Variants in IL15 observed in about 807,000 individuals in gnomAD.
IL15 encodes the protein interleukin 15.
Under a neutral mutation model 19.6 loss-of-function variants are expected in IL15, and 11 were observed. That is an observed-to-expected ratio of 0.56 (90% confidence interval 0.35 to 0.93). The LOEUF (loss-of-function observed/expected upper bound fraction) is 0.93, where lower values mean the gene tolerates loss of function less well. Ranked by LOEUF, IL15 falls within the 40% of genes least tolerant of loss-of-function variation. The pLI is 0.01. For missense variants in IL15, 197 were observed against 186.5 expected, an observed-to-expected ratio of 1.06 and a Z score of -0.33; for synonymous variants, 58 against 59.6, an observed-to-expected ratio of 0.97 and a Z score of 0.12.
At chr4:141,665,726 C>T (rs946683215) in intron 2 of IL15, among the ~76,000 whole-genome samples, 3 of 152,058 alleles carry the variant, frequency 2.0e-5, no homozygotes, top group African/African-American at 7.2e-5. Context: ...TCATTCCTAA[C>T]TATGGTATAA....
chr4:141,721,116 C>A, intron 4 of IL15: 3 of 1,526,054 alleles, frequency 2.0e-6, no homozygotes, highest in Non-Finnish European at 2.7e-6. Context: ...TATAATCTGA[C>A]TCTCAGTTCA....
At chr4:141,731,838 C>A (rs576637225) in intron 7 of IL15, among the ~76,000 whole-genome samples, 2 of 152,238 alleles carry the variant, frequency 1.3e-5, no homozygotes, top group South Asian at 4.1e-4. Flanking sequence ...GCTGGCACAG[C>A]CTTCATGGTT....
At chr4:141,668,643 G>A (rs1728071635) in intron 2 of IL15, among the ~76,000 whole-genome samples, 1 of 152,126 alleles carries the variant, frequency 6.6e-6, no homozygotes, top group Admixed American at 6.6e-5. Flanking sequence ...GCTCACATAG[G>A]TCTTCCTCTT....
intron 2 of IL15, among the ~76,000 whole-genome samples, chr4:141,694,104 G>A (rs1729013164): frequency 6.6e-6 from 1 of 152,192 alleles, no homozygotes; most frequent in African/African-American, 2.4e-5. Flanking sequence ...TAGTGGCACA[G>A]TTTATCTATG....
chr4:141,680,063 C>T (rs1274157678), intron 2 of IL15, among the ~76,000 whole-genome samples: 1 of 152,186 alleles, frequency 6.6e-6, no homozygotes, highest in African/African-American at 2.4e-5. Context: ...AGAACCTATA[C>T]TACTATATAT....
intron 4 of IL15, chr4:141,721,554 A>G: frequency 1.9e-6 from 1 of 524,710 alleles, no homozygotes; most frequent in Non-Finnish European, 3.6e-6. Context: ...TAGACTTCAA[A>G]GTCTCTGTAA....
chr4:141,667,585 C>A (rs933151212), intron 2 of IL15, among the ~76,000 whole-genome samples: 3 of 151,804 alleles, frequency 2.0e-5, no homozygotes, highest in Admixed American at 1.3e-4. Context: ...ATGCCACTTA[C>A]TTTAAAAAAA....
Position 141,709,306 on chromosome 4 carries a change from G to A in IL15, c.-99-10060G>A, listed in dbSNP as rs187039223. ...TATTCTGTATGTTTATTTTTAATGC[G>A]CTATCACTGTGGTGTAGGATGTCAT... On this transcript the variant is annotated intron_variant, in intron 2 of 7. Transcript: ENST00000320650. Among the ~76,000 whole-genome samples, 293 of 152,144 alleles carry A rather than the reference G, an allele frequency of 1.9e-3. 2 individuals are homozygous for A. Among genetic ancestry groups the A allele is most frequent in the African/African-American group, 6.5e-3 (268 of 41,498 alleles).
At chr4:141,711,622 A>G (rs1729720915) in intron 2 of IL15, among the ~76,000 whole-genome samples, 1 of 152,154 alleles carries the variant, frequency 6.6e-6, no homozygotes, top group Non-Finnish European at 1.5e-5. Flanking sequence ...CATTTTTGCA[A>G]AATGAATGAT....
At chr4:141,706,057 G>T (rs973349506) in intron 2 of IL15, among the ~76,000 whole-genome samples, 1 of 151,384 alleles carries the variant, frequency 6.6e-6, no homozygotes, top group Non-Finnish European at 1.5e-5. Flanking sequence ...TATATTCAAG[G>T]TTATTATTGA....
At chr4:141,702,331 CT>C (rs1579034495) in intron 2 of IL15, among the ~76,000 whole-genome samples, 3 of 152,210 alleles carry the variant, frequency 2.0e-5, no homozygotes, top group Non-Finnish European at 4.4e-5. Context: ...TCTTCTGGGT[CT>C]AGCCACCCAG....
intron 2 of IL15, among the ~76,000 whole-genome samples, chr4:141,671,594 G>A (rs1728178094): frequency 6.6e-6 from 1 of 152,160 alleles, no homozygotes; most frequent in African/African-American, 2.4e-5. Flanking sequence ...CCTCGGTGAT[G>A]GCTGTTGTGT....
chr4:141,726,585 G>A (rs1382023235), intron 5 of IL15, among the ~76,000 whole-genome samples: 1 of 152,078 alleles, frequency 6.6e-6, no homozygotes, highest in African/African-American at 2.4e-5. Context: ...TCCAACAATT[G>A]TGCTCTTAGA....
At chr4:141,707,556 A>C (rs1161742001) in intron 2 of IL15, among the ~76,000 whole-genome samples, 8 of 152,110 alleles carry the variant, frequency 5.3e-5, no homozygotes, top group Non-Finnish European at 1.2e-4. Flanking sequence ...AGGGAGAGAC[A>C]TTTCCTGTAG....
intron 2 of IL15, among the ~76,000 whole-genome samples, chr4:141,691,888 G>C (rs1431019758): frequency 6.6e-6 from 1 of 152,156 alleles, no homozygotes; most frequent in Non-Finnish European, 1.5e-5. Context: ...AGCTCCATTA[G>C]GCAGTGCCTC....
chr4:141,693,918 A>G (rs1285576285), intron 2 of IL15, among the ~76,000 whole-genome samples: 1 of 152,238 alleles, frequency 6.6e-6, no homozygotes, highest in East Asian at 1.9e-4. Flanking sequence ...GGTGAGGTCA[A>G]GAGTTTTTCT....
At chr4:141,688,605 A>C (rs1388001635) in intron 2 of IL15, among the ~76,000 whole-genome samples, 7 of 152,040 alleles carry the variant, frequency 4.6e-5, no homozygotes. Context: ...TCTCAGTGGA[A>C]TTTTCTCTTT....
At chr4:141,659,819 A>C (rs773200502) in intron 2 of IL15, among the ~76,000 whole-genome samples, 2 of 152,228 alleles carry the variant, frequency 1.3e-5, no homozygotes, top group Non-Finnish European at 1.5e-5. Flanking sequence ...TTTTGAAGTC[A>C]TAAGAAGAGT....
chr4:141,710,800 C>A (rs1052593386), intron 2 of IL15, among the ~76,000 whole-genome samples: 7 of 150,148 alleles, frequency 4.7e-5, no homozygotes, highest in Non-Finnish European at 1.0e-4. Flanking sequence ...GTTTTTTTTT[C>A]ATAGTTAAAT....
Sources: gnomAD v4.1 joint callset for allele counts (sites outside exome capture counted in the v4.1 genomes callset) on GRCh38, gnomAD v4.1.1 for gene constraint, MANE v1.5 for transcripts, NCBI Gene and HGNC (gene_info 2026-07-23, HGNC 2026-07-21) for gene names.